PLCG2: variants seen among roughly 807,000 people sequenced by gnomAD.
PLCG2 encodes the protein phospholipase C gamma 2.
A neutral mutation model predicts 175.6 loss-of-function variants in PLCG2; 69 were observed. That is an observed-to-expected ratio of 0.39 (90% CI 0.32 to 0.48). PLCG2 has a LOEUF of 0.48. PLCG2 is among the 20% of genes least tolerant of loss of function. PLCG2 has a pLI of 0.91. For synonymous variants in PLCG2, 827 were observed against 624.0 expected (o/e 1.33, Z -4.85); for missense variants, 1,798 against 1,650.9 (o/e 1.09, Z -1.54).
intron 28 of PLCG2, 86 bp downstream of exon 28, chr16:81,937,989 A>T (rs772208318): frequency 1.6e-6 from 2 of 1,257,440 alleles, no homozygotes; most frequent in African/African-American, 1.5e-5. Flanking sequence ...CAGGGAACCC[A>T]TGTCTAGGGA....
chr16:81,921,208 T>G lies in PLCG2; in HGVS notation c.2246T>G (p.Ile749Arg). ...TCTTTTTTTTTCCAGGAAAGAGATA[T>G]AAACTCCCTCTACGACGTCAGCAGA... is the stretch of plus-strand genomic sequence containing the variant. ...LLERYNMERD[I>R]NSLYDVSRMY... is the part of the protein sequence containing the mutation. The change falls in exon 21 of 33, where the codon ATA (isoleucine) becomes AGA (arginine). Residue 749 changes from isoleucine (I) to arginine (R), a missense_variant. Coordinates refer to ENST00000564138, the MANE Select transcript of PLCG2 (RefSeq NM_002661.5). 3 of 1,590,700 alleles carry G rather than the reference T, an allele frequency of 1.9e-6. No homozygotes were observed. The highest frequency in any genetic ancestry group is 2.6e-6 in the Non-Finnish European group (3 of 1,158,694).
chr16:81,820,446 C>G (rs1339169907), intron 2 of PLCG2, among the ~76,000 whole-genome samples: 1 of 152,192 alleles, frequency 6.6e-6, no homozygotes, highest in Non-Finnish European at 1.5e-5. Flanking sequence ...CATTCGACTT[C>G]TTTTGTGTGA....
chr16:81,855,962 C>G (rs1012539735), intron 3 of PLCG2, among the ~76,000 whole-genome samples: 3 of 152,200 alleles, frequency 2.0e-5, no homozygotes, highest in Non-Finnish European at 4.4e-5. Flanking sequence ...CTTAGCCCCA[C>G]CTGCAGGCTG....
At chr16:81,932,223 T>C (rs1339815438) in intron 25 of PLCG2, among the ~76,000 whole-genome samples, 1 of 150,134 alleles carries the variant, frequency 6.7e-6, no homozygotes, top group Non-Finnish European at 1.5e-5. Context: ...GAATAGGAGG[T>C]CTGGAATTGG....
At chr16:81,819,884 C>G (rs974474340) in intron 2 of PLCG2, among the ~76,000 whole-genome samples, 2 of 152,152 alleles carry the variant, frequency 1.3e-5, no homozygotes, top group African/African-American at 4.8e-5. Flanking sequence ...GTGCCTAGCC[C>G]TAGCTCAGTT....
At chr16:81,776,083 C>CTTTCTT, upstream of PLCG2, among the ~76,000 whole-genome samples, 46 of 81,938 alleles carry the variant, frequency 5.6e-4, 9 homozygotes, top group Middle Eastern at 5.7e-3. Flanking sequence ...TTCTCTCTCT[C>CTTTCTT]TCTCTCTTTC....
At chr16:81,810,741 A>T (rs984474495) in intron 2 of PLCG2, among the ~76,000 whole-genome samples, 1 of 151,786 alleles carries the variant, frequency 6.6e-6, no homozygotes, top group South Asian at 2.1e-4. Context: ...TGATTTATTC[A>T]GTGACTATCT....
chr16:81,956,761 C>G lies in PLCG2; in HGVS notation c.3637C>G (p.Gln1213Glu), dbSNP rs369966847. 2 of 1,614,040 alleles carry G rather than the reference C, an allele frequency of 1.2e-6. No homozygotes were observed. The highest frequency in any genetic ancestry group is 1.3e-5 in the African/African-American group (1 of 74,908). The change falls in exon 32 of 33, where the codon CAG (glutamine) becomes GAG (glutamate). Residue 1213 changes from glutamine to glutamate, a missense_variant. Gln to Glu is a conservative substitution (Grantham distance 29). Coordinates refer to ENST00000564138, the MANE Select transcript of PLCG2 (RefSeq NM_002661.5). ...GAGGCGGCAAGAAGAACTGAACAAC[C>G]AGCTCTTTCTGTATGACACACACCA... ...LRRRQEELNNQLFLYDTHQNL... is the reference protein window; with the variant it reads ...LRRRQEELNNELFLYDTHQNL...
rs74029225 is a variant in PLCG2, at chr16:81,815,769, A to G, written c.193+29587A>G. ...GGTCTTAAGTGCGCTATAATTGAGC[A>G]GTCTTAAATGACCAGACACAGTGGC... On this transcript the variant is annotated intron_variant, in intron 2 of 32. Transcript: ENST00000564138. 5.0e-3 allele frequency among the ~76,000 whole-genome samples: 764 copies of G among 151,446 alleles called. 8 individuals are homozygous for G. Among genetic ancestry groups the G allele is most frequent in the Middle Eastern group, 0.017 (5 of 294 alleles).
At chr16:81,791,257 T>TG (rs1911219007) in intron 2 of PLCG2, among the ~76,000 whole-genome samples, 1 of 151,982 alleles carries the variant, frequency 6.6e-6, no homozygotes, top group African/African-American at 2.4e-5. Context: ...CATTTGGATG[T>TG]GGGGGAGGTG....
Position 81,884,335 on chromosome 16 carries a change from A to G in PLCG2, c.765+994A>G, listed in dbSNP as rs575635719. Among the ~76,000 whole-genome samples, 3 of 152,048 alleles carry G rather than the reference A, an allele frequency of 2.0e-5. No individual in the cohort carries two copies. In the East Asian group the frequency reaches 5.8e-4, roughly 29 times the overall value. On this transcript the variant is annotated intron_variant, in intron 9 of 32. Coordinates refer to ENST00000564138, the MANE Select transcript of PLCG2 (RefSeq NM_002661.5). Reference sequence around the variant, plus strand: ...CACTGGACTGCAGCCTGGGCAACAGAGCAAGACTCCGTCTCAGAAAACAAA... The same window carrying G: ...CACTGGACTGCAGCCTGGGCAACAGGGCAAGACTCCGTCTCAGAAAACAAA...
At chr16:81,908,130 C>T (rs1157125054) in intron 16 of PLCG2, among the ~76,000 whole-genome samples, 3 of 152,210 alleles carry the variant, frequency 2.0e-5, no homozygotes, top group Non-Finnish European at 4.4e-5. Context: ...GGCCTCATGG[C>T]TCTCAGACTT....
At chr16:81,916,000 A>G (rs922507301) in intron 19 of PLCG2, among the ~76,000 whole-genome samples, 2 of 152,172 alleles carry the variant, frequency 1.3e-5, no homozygotes, top group African/African-American at 4.8e-5. Context: ...AAAAATATGT[A>G]CATATTTATA....
chr16:81,771,277 G>C (rs1252109261), intron 2 of PLCG2, among the ~76,000 whole-genome samples: 2 of 152,108 alleles, frequency 1.3e-5, no homozygotes, highest in Non-Finnish European at 2.9e-5. Context: ...GCTCAGGCTG[G>C]AGTACACTGG....
intron 24 of PLCG2, 110 bp from the exon 25 acceptor site, chr16:81,931,387 C>T (rs1256141271): frequency 8.0e-6 from 8 of 995,540 alleles, no homozygotes; most frequent in African/African-American, 3.2e-5. Context: ...TAACCGTGGT[C>T]ATAGCAGTGG....
chr16:81,861,845 C>T (rs147939423), intron 5 of PLCG2, among the ~76,000 whole-genome samples: 3 of 152,208 alleles, frequency 2.0e-5, no homozygotes, highest in South Asian at 2.1e-4. Flanking sequence ...CCCTCTTGCT[C>T]AGGAGGCATT....
intron 30 of PLCG2, 96 bp downstream of exon 30, chr16:81,940,155 G>A: frequency 5.3e-6 from 6 of 1,137,536 alleles, no homozygotes; most frequent in Non-Finnish European, 7.7e-6. Context: ...ATTTTTCCTG[G>A]TTTGGATGGA....
chr16:81,956,153 T>C (rs189350956), intron 31 of PLCG2, among the ~76,000 whole-genome samples: 109 of 152,344 alleles, frequency 7.2e-4, no homozygotes, highest in Non-Finnish European at 1.3e-3. Context: ...CATCGTGTGA[T>C]TTGTGATCTT....
intron 2 of PLCG2, among the ~76,000 whole-genome samples, chr16:81,773,602 C>T (rs948701364): frequency 2.6e-5 from 4 of 152,246 alleles, no homozygotes; most frequent in African/African-American, 9.6e-5. Flanking sequence ...TGGGGCCTGG[C>T]AAATGCCTGG....
Sources: allele counts gnomAD v4.1 joint callset (sites outside exome capture counted in the v4.1 genomes callset), GRCh38; gene constraint gnomAD v4.1.1; transcripts MANE v1.5; gene names NCBI Gene and HGNC (gene_info 2026-07-23, HGNC 2026-07-21).